The following MARK3 variants were observed in gnomAD, a reference collection of about 807,000 sequenced individuals.
The protein encoded by MARK3 is MAP/microtubule affinity-regulating kinase 3.
In MARK3, 46 loss-of-function variants were observed where a neutral mutation model predicts 90.1. That is an observed-to-expected ratio of 0.51 (90% CI 0.40 to 0.65). The LOEUF (loss-of-function observed/expected upper bound fraction) is 0.65. MARK3 is among the 30% of genes least tolerant of loss of function. The pLI, the probability that MARK3 is intolerant of heterozygous loss-of-function variation, is 0.00. For synonymous variants in MARK3, 321 were observed against 332.6 expected (o/e 0.97, Z 0.38); for missense variants, 818 against 947.2 (o/e 0.86, Z 1.79).
At chr14:103,474,155 C>T (rs890270794) in intron 12 of MARK3, among the ~76,000 whole-genome samples, 1 of 152,034 alleles carries the variant, frequency 6.6e-6, no homozygotes, top group Non-Finnish European at 1.5e-5. Context: ...CAGTGAGCCG[C>T]GATTGCGCCA....
intron 12 of MARK3, among the ~76,000 whole-genome samples, chr14:103,468,747 C>T (rs564734175): frequency 6.6e-6 from 1 of 151,686 alleles, no homozygotes; most frequent in Admixed American, 6.6e-5. Context: ...GGAAACCTTA[C>T]CATTTGCCCT....
chr14:103,389,545 AAAAG>A (rs1324273253), intron 1 of MARK3, among the ~76,000 whole-genome samples: 1 of 145,756 alleles, frequency 6.9e-6, no homozygotes, highest in African/African-American at 2.5e-5. Flanking sequence ...AAAAAAAAAA[AAAAG>A]CAGACAACTT....
chr14:103,474,321 C>T (rs2093679838), intron 12 of MARK3, among the ~76,000 whole-genome samples: 1 of 152,204 alleles, frequency 6.6e-6, no homozygotes, highest in African/African-American at 2.4e-5. Flanking sequence ...TCTGAATCTC[C>T]TGTGCTGCTA....
At chr14:103,491,039 G>T in intron 14 of MARK3, 1 of 1,288,634 alleles carries the variant, frequency 7.8e-7, no homozygotes, top group Non-Finnish European at 1.0e-6. Context: ...CGATGTCCAT[G>T]TCAGCCTCTG....
chr14:103,473,428 A>G (rs1290466464), intron 12 of MARK3, among the ~76,000 whole-genome samples: 1 of 152,202 alleles, frequency 6.6e-6, no homozygotes, highest in Non-Finnish European at 1.5e-5. Flanking sequence ...AAGGTTTTGT[A>G]TTTTCTAAAC....
chr14:103,462,203 TC>T (rs1388122342), intron 6 of MARK3, among the ~76,000 whole-genome samples: 7 of 152,232 alleles, frequency 4.6e-5, no homozygotes, highest in African/African-American at 1.7e-4. Flanking sequence ...CGGAAGAACG[TC>T]CTCACCTATT....
At chr14:103,405,980 TC>T (rs2091268101) in intron 2 of MARK3, among the ~76,000 whole-genome samples, 1 of 152,008 alleles carries the variant, frequency 6.6e-6, no homozygotes, top group South Asian at 2.1e-4. Flanking sequence ...AGCCTCAACC[TC>T]CTGGGGTCAG....
At chr14:103,398,548 T>C (rs72708854) in intron 1 of MARK3, among the ~76,000 whole-genome samples, 39,297 of 152,040 alleles carry the variant, frequency 0.26, 6,266 homozygotes, top group Middle Eastern at 0.44. Flanking sequence ...TGTGGGGGCT[T>C]TTTGGTAGAG....
At chr14:103,452,636 T>C (rs2093178715) in intron 5 of MARK3, among the ~76,000 whole-genome samples, 1 of 151,086 alleles carries the variant, frequency 6.6e-6, no homozygotes, top group South Asian at 2.1e-4. Context: ...TACGCCCGGC[T>C]AATTTTTTGT....
At chr14:103,493,727 T>C (rs1242300287) in intron 15 of MARK3, among the ~76,000 whole-genome samples, 2 of 151,070 alleles carry the variant, frequency 1.3e-5, no homozygotes, top group African/African-American at 2.4e-5. Context: ...ATACAAAAAT[T>C]AGCCAGGCAT....
chr14:103,435,549 C>A (rs1187728993), intron 3 of MARK3, among the ~76,000 whole-genome samples: 2 of 151,998 alleles, frequency 1.3e-5, no homozygotes, highest in African/African-American at 4.8e-5. Context: ...GCTGGGACTA[C>A]AAGCACCCGC....
chr14:103,404,674 G>A (rs2091170434), intron 1 of MARK3, among the ~76,000 whole-genome samples: 2 of 152,162 alleles, frequency 1.3e-5, no homozygotes, highest in Admixed American at 6.6e-5. Context: ...GAACAGTTAT[G>A]TGGCTGTATC....
At chr14:103,496,898 C>G (rs1459984482) in intron 15 of MARK3, among the ~76,000 whole-genome samples, 1 of 151,502 alleles carries the variant, frequency 6.6e-6, no homozygotes, top group Admixed American at 6.6e-5. Context: ...TTTAATTAGC[C>G]AGGAGTGGTG....
At chr14:103,480,903 A>G (rs2141861461) in intron 14 of MARK3, among the ~76,000 whole-genome samples, 1 of 152,404 alleles carries the variant, frequency 6.6e-6, no homozygotes, top group Middle Eastern at 3.4e-3. Flanking sequence ...AGCACCAGGT[A>G]GCATTAAAGG....
In MARK3 at chr14:103,428,379, C is replaced by A. The variant is rs973550935; in HGVS notation, c.244-8C>A. On this transcript the variant is annotated splice_region_variant and splice_polypyrimidine_tract_variant and intron_variant, in intron 2 of 17. Coordinates refer to ENST00000429436, the MANE Select transcript of MARK3 (RefSeq NM_001128918.3). ...TTAAAATCCATAAATATTTATTATT[C>A]TTTCTAGGTTGCAATAAAAATAATT... The A allele has an allele frequency of 1.9e-5, 26 of 1,354,600 alleles. 1 individual carries two copies. The highest frequency in any genetic ancestry group is 4.0e-5 in the South Asian group (3 of 74,646). The allele number at this position is 1,354,600 out of a possible 1,614,324, so 83.9% of individuals were successfully genotyped here.
At chr14:103,407,425 C>T (rs1163593345) in intron 2 of MARK3, among the ~76,000 whole-genome samples, 2 of 152,068 alleles carry the variant, frequency 1.3e-5, no homozygotes. Context: ...AAGGCACATA[C>T]TTTCCTAACC....
rs896050526 is a variant in MARK3 at position 103,440,950 on chromosome 14, A to AG, written c.298-7969_298-7968insG. 5.5e-5 allele frequency among the ~76,000 whole-genome samples: 8 copies of AG among 145,754 alleles called. No homozygotes were observed. The East Asian group carries it at 5.9e-4, about 11-fold the overall frequency. ...GAGCCCCTCTTAAAAAAAAAAAAAGAAAAGAAAAGAAAAATCTCATTATGG... is the reference window on the plus strand; with the variant it reads ...GAGCCCCTCTTAAAAAAAAAAAAAGAGAAAGAAAAGAAAAATCTCATTATGG... On this transcript the variant is annotated intron_variant, in intron 3 of 17. Coordinates refer to ENST00000429436, the MANE Select transcript of MARK3 (RefSeq NM_001128918.3).
chr14:103,425,950 C>T (rs1465590149), intron 2 of MARK3, among the ~76,000 whole-genome samples: 1 of 152,138 alleles, frequency 6.6e-6, no homozygotes, highest in Non-Finnish European at 1.5e-5. Context: ...GGCTTTAGAC[C>T]AAGTTAAGCA....
chr14:103,436,210 AC>A (rs2092713347), intron 3 of MARK3, among the ~76,000 whole-genome samples: 1 of 151,682 alleles, frequency 6.6e-6, no homozygotes, highest in African/African-American at 2.4e-5. Flanking sequence ...TTTAAAGATG[AC>A]CCCTTCCCCA....
Sources: allele counts gnomAD v4.1 joint callset (sites outside exome capture counted in the v4.1 genomes callset), GRCh38; gene constraint gnomAD v4.1.1; transcripts MANE v1.5; gene names NCBI Gene and HGNC (gene_info 2026-07-23, HGNC 2026-07-21).